The following CNTNAP2 variants were observed in gnomAD, a reference collection of about 807,000 sequenced individuals.
CNTNAP2 encodes the protein contactin associated protein 2.
CNTNAP2 carries 98 observed loss-of-function variants against 155.2 expected under a neutral mutation model. The ratio of observed to expected loss-of-function variants is 0.63; its 90% CI spans 0.54 to 0.75. CNTNAP2 has a LOEUF of 0.75. Among genes scored for constraint, CNTNAP2 ranks in the 30% least tolerant of loss-of-function variants. CNTNAP2 has a pLI of 0.00. For synonymous variants in CNTNAP2, 651 were observed against 631.2 expected, an observed-to-expected ratio of 1.03 and a Z score of -0.47; for missense variants, 1,727 against 1,688.1, an observed-to-expected ratio of 1.02 and a Z score of -0.40.
At chr7:147,038,507 A>G (rs980187998) in intron 3 of CNTNAP2, among the ~76,000 whole-genome samples, 2 of 152,202 alleles carry the variant, frequency 1.3e-5, no homozygotes, top group Admixed American at 6.5e-5. Flanking sequence ...GTCATCGCAG[A>G]TGTGCTTACT....
At chr7:147,161,553 A>G (rs1802023550) in intron 8 of CNTNAP2, 1 of 152,120 alleles carries the variant, frequency 6.6e-6, no homozygotes, top group Non-Finnish European at 1.5e-5. Flanking sequence ...GATTTTGCTG[A>G]CTGTCTTGGT....
intron 15 of CNTNAP2, among the ~76,000 whole-genome samples, chr7:148,073,802 C>T (rs1261781578): frequency 1.3e-5 from 2 of 151,900 alleles, no homozygotes; most frequent in Admixed American, 6.6e-5. Context: ...GCAGGCCCTC[C>T]ATATCAATGG....
chr7:146,400,389 G>T (rs1795696965), intron 1 of CNTNAP2, among the ~76,000 whole-genome samples: 1 of 152,168 alleles, frequency 6.6e-6, no homozygotes, highest in Non-Finnish European at 1.5e-5. Flanking sequence ...ATATCCAGGT[G>T]GAGTAACTAG....
chr7:148,082,898 C>T (rs1200968947), intron 15 of CNTNAP2, among the ~76,000 whole-genome samples: 1 of 151,610 alleles, frequency 6.6e-6, no homozygotes, highest in Non-Finnish European at 1.5e-5. Flanking sequence ...AGGCTGGTGT[C>T]GATCTCTTGA....
intron 9 of CNTNAP2, among the ~76,000 whole-genome samples, chr7:147,330,255 G>T (rs1006763882): frequency 2.5e-4 from 38 of 152,114 alleles, no homozygotes; most frequent in Non-Finnish European, 2.9e-4. Flanking sequence ...AGAGGTGCTA[G>T]GTTAGTGGCA....
At chr7:147,849,093 T>C (rs558848862) in intron 13 of CNTNAP2, among the ~76,000 whole-genome samples, 181 of 152,308 alleles carry the variant, frequency 1.2e-3, no homozygotes, top group African/African-American at 4.1e-3. Context: ...TAATACATCA[T>C]TGAGATTCTA....
At chr7:148,159,105 C>T (rs909534692) in intron 17 of CNTNAP2, among the ~76,000 whole-genome samples, 3 of 152,168 alleles carry the variant, frequency 2.0e-5, no homozygotes, top group African/African-American at 7.2e-5. Flanking sequence ...GTTTTTATCT[C>T]ACAGTTTGGT....
chr7:148,267,453 G>A (rs996301457), intron 21 of CNTNAP2, among the ~76,000 whole-genome samples: 6 of 152,068 alleles, frequency 3.9e-5, no homozygotes, highest in East Asian at 3.9e-4. Context: ...TCAGGAGTTC[G>A]AGACCAGCCT....
At chr7:148,202,653 G>A (rs376746933) in intron 18 of CNTNAP2, among the ~76,000 whole-genome samples, 1 of 152,178 alleles carries the variant, frequency 6.6e-6, no homozygotes, top group Admixed American at 6.5e-5. Flanking sequence ...TAAAATTTTA[G>A]TTGTCAGCTT....
At chr7:147,671,979 T>C (rs1457127739) in intron 13 of CNTNAP2, 4 of 152,216 alleles carry the variant, frequency 2.6e-5, no homozygotes, top group Admixed American at 1.3e-4. Context: ...TATCTCCTTT[T>C]TGTACAGAGT....
chr7:147,695,523 G>A (rs747239725), intron 13 of CNTNAP2, among the ~76,000 whole-genome samples: 5 of 152,254 alleles, frequency 3.3e-5, no homozygotes, highest in African/African-American at 7.2e-5. Flanking sequence ...CATTCTGGCC[G>A]GCACCGTGGC....
At chr7:147,189,800 A>T (rs1802642782) in intron 8 of CNTNAP2, among the ~76,000 whole-genome samples, 1 of 152,022 alleles carries the variant, frequency 6.6e-6, no homozygotes, top group Non-Finnish European at 1.5e-5. Flanking sequence ...GCTGGAGTGC[A>T]GTGGCGCGAT....
At chr7:146,522,407 C>T (rs970303514) in intron 1 of CNTNAP2, among the ~76,000 whole-genome samples, 2 of 152,022 alleles carry the variant, frequency 1.3e-5, no homozygotes, top group Non-Finnish European at 2.9e-5. Context: ...CTCTAAATTT[C>T]ATTACCACAG....
At chr7:147,364,426 G>A (rs1563176205) in intron 9 of CNTNAP2, among the ~76,000 whole-genome samples, 1 of 152,140 alleles carries the variant, frequency 6.6e-6, no homozygotes, top group East Asian at 1.9e-4. Context: ...GTGTTAAAAG[G>A]GACTCAGTTT....
intron 15 of CNTNAP2, among the ~76,000 whole-genome samples, chr7:148,061,883 A>G (rs1803141720): frequency 1.1e-5 from 1 of 90,478 alleles, no homozygotes. Context: ...ACAGATATAG[A>G]TAGATAGATA....
chr7:146,682,288 CT>C (rs1188494933), intron 1 of CNTNAP2, among the ~76,000 whole-genome samples: 39 of 151,802 alleles, frequency 2.6e-4, no homozygotes, highest in African/African-American at 9.0e-4. Context: ...GAAATGTTCC[CT>C]GTTGAGTGAT....
chr7:148,027,052 CCAACAGA>C (rs372183513), intron 15 of CNTNAP2, among the ~76,000 whole-genome samples: 178 of 152,268 alleles, frequency 1.2e-3, no homozygotes, highest in African/African-American at 4.2e-3. Flanking sequence ...GGACTTTGGA[CCAACAGA>C]TATCATGCTA....
chr7:148,301,639 G>C (rs1032529814), intron 21 of CNTNAP2, among the ~76,000 whole-genome samples: 8 of 152,326 alleles, frequency 5.3e-5, no homozygotes, highest in African/African-American at 1.9e-4. Context: ...AAGGGATAGA[G>C]CAGAAATCTG....
chr7:147,640,874 T>C lies in CNTNAP2; in HGVS notation c.2098+1568T>C, dbSNP rs145117708. ...TGGAGGAGGTGGTACCTGACTTGCA[T>C]AGGGCTCAGGGAATTGGTTTGACCG... On this transcript the variant is annotated intron_variant, in intron 13 of 23. Coordinates refer to ENST00000361727, the MANE Select transcript of CNTNAP2 (RefSeq NM_014141.6). Among the ~76,000 whole-genome samples the C allele has an allele frequency of 7.1e-3, 1,087 of 152,256 alleles. 14 individuals are homozygous for C. Among genetic ancestry groups the C allele is most frequent in the African/African-American group, 0.025 (1,030 of 41,560 alleles).
Sources: allele counts gnomAD v4.1 joint callset (sites outside exome capture counted in the v4.1 genomes callset), GRCh38; gene constraint gnomAD v4.1.1; transcripts MANE v1.5; gene names NCBI Gene and HGNC (gene_info 2026-07-23, HGNC 2026-07-21).